Variants in STK3 observed in about 807,000 individuals in gnomAD.
STK3 encodes serine/threonine kinase 3.
STK3 carries 41 observed loss-of-function variants against 58.0 expected under a neutral mutation model. The observed-to-expected ratio is 0.71, with a 90% CI of 0.55 to 0.92. The LOEUF (loss-of-function observed/expected upper bound fraction) is 0.92, where lower values mean the gene tolerates loss of function less well. Ranked by LOEUF, STK3 falls within the 40% of genes least tolerant of loss-of-function variation. The pLI, the probability that STK3 is intolerant of heterozygous loss-of-function variation, is 0.00. For synonymous variants in STK3, 170 were observed against 191.0 expected, an observed-to-expected ratio of 0.89 and a Z score of 0.91; for missense variants, 479 against 602.7, an observed-to-expected ratio of 0.79 and a Z score of 2.15.
At chr8:98,757,972 G>C (rs1171104175) in intron 3 of STK3, among the ~76,000 whole-genome samples, 1 of 152,202 alleles carries the variant, frequency 6.6e-6, no homozygotes, top group African/African-American at 2.4e-5. Flanking sequence ...CAATTATTTA[G>C]ATGTTCTAAC....
At chr8:98,457,798 T>C (rs1251821161) in intron 10 of STK3, among the ~76,000 whole-genome samples, 1 of 152,204 alleles carries the variant, frequency 6.6e-6, no homozygotes, top group Non-Finnish European at 1.5e-5. Context: ...ATTACTTTAA[T>C]TCTGAATTAA....
At chr8:98,543,062 G>C (rs560416783) in intron 9 of STK3, among the ~76,000 whole-genome samples, 5 of 152,318 alleles carry the variant, frequency 3.3e-5, no homozygotes, top group African/African-American at 1.2e-4. Flanking sequence ...GGTGAGATGG[G>C]AGCCTATTAG....
At chr8:98,637,950 C>A (rs1158363223) in intron 6 of STK3, among the ~76,000 whole-genome samples, 1 of 152,066 alleles carries the variant, frequency 6.6e-6, no homozygotes, top group African/African-American at 2.4e-5. Context: ...GGTGTTGGCA[C>A]CCAACATTTT....
At chr8:98,697,151 G>A (rs1285998774) in intron 6 of STK3, among the ~76,000 whole-genome samples, 1 of 152,206 alleles carries the variant, frequency 6.6e-6, no homozygotes, top group Non-Finnish European at 1.5e-5. Context: ...GCATAGAGGT[G>A]TTTGTAGTAT....
rs181129916 is a variant in STK3 at position 98,672,043 on chromosome 8, G to A, written c.684+34424C>T. 3.6e-3 allele frequency among the ~76,000 whole-genome samples: 541 copies of A among 152,282 alleles called. 3 individuals carry two copies. Among genetic ancestry groups the A allele is most frequent in the African/African-American group, 0.012 (514 of 41,554 alleles). On this transcript the variant is annotated intron_variant, in intron 6 of 10. Transcript: ENST00000419617. ...AGTTTCCTCAGGCCTTCTCAGCCATGTGGAACTGTGCATCAATTAAACCTC... is the reference window on the plus strand; with the variant it reads ...AGTTTCCTCAGGCCTTCTCAGCCATATGGAACTGTGCATCAATTAAACCTC...
chr8:98,456,802 T>C (rs1175322670), intron 10 of STK3, among the ~76,000 whole-genome samples: 1 of 152,226 alleles, frequency 6.6e-6, no homozygotes, highest in Non-Finnish European at 1.5e-5. Context: ...CTTTGGTTAT[T>C]TTATGAGTCA....
upstream of STK3, among the ~76,000 whole-genome samples, chr8:98,828,439 A>C (rs1337963926): frequency 1.9e-5 from 1 of 52,862 alleles, no homozygotes; most frequent in Non-Finnish European, 4.5e-5. Context: ...CATCTCTACA[A>C]AAAAAAAAAA....
At chr8:98,401,562 T>A (rs920367080) in intron 3 of STK3, 2 of 152,232 alleles carry the variant, frequency 1.3e-5, no homozygotes, top group Non-Finnish European at 2.9e-5. Context: ...TGTGTTCAGA[T>A]GCTGCCTCTG....
intron 6 of STK3, among the ~76,000 whole-genome samples, chr8:98,628,667 T>C (rs1818924328): frequency 6.6e-6 from 1 of 151,700 alleles, no homozygotes. Flanking sequence ...CCAGTCCTAG[T>C]GGTATGTGCC....
chr8:98,705,723 A>T (rs1005776558), intron 6 of STK3, among the ~76,000 whole-genome samples: 3 of 152,164 alleles, frequency 2.0e-5, no homozygotes, highest in African/African-American at 7.2e-5. Context: ...AGATAACTAC[A>T]GCCACTAGAG....
At chr8:98,739,133 C>T (rs992552826) in intron 4 of STK3, among the ~76,000 whole-genome samples, 6 of 152,278 alleles carry the variant, frequency 3.9e-5, no homozygotes, top group African/African-American at 1.4e-4. Flanking sequence ...GGAGGCCTGC[C>T]TGCCTCTGTA....
intron 10 of STK3, among the ~76,000 whole-genome samples, chr8:98,519,658 C>T (rs1400763093): frequency 5.9e-5 from 9 of 152,050 alleles, no homozygotes; most frequent in East Asian, 1.9e-4. Flanking sequence ...GGTAGGACTG[C>T]GGAAAAACTA....
intron 1 of STK3, among the ~76,000 whole-genome samples, chr8:98,939,524 C>T (rs1290119527): frequency 6.6e-6 from 1 of 152,210 alleles, no homozygotes; most frequent in Non-Finnish European, 1.5e-5. Flanking sequence ...ACGAAATCTG[C>T]AGTGAGAAAT....
chr8:98,416,311 T>C (rs1301869322), intron 3 of STK3, among the ~76,000 whole-genome samples: 2 of 151,250 alleles, frequency 1.3e-5, no homozygotes, highest in African/African-American at 4.8e-5. Context: ...ATTTATACCT[T>C]AAACTTCTGG....
At chr8:98,533,668 T>G (rs2131519679) in intron 9 of STK3, among the ~76,000 whole-genome samples, 1 of 152,268 alleles carries the variant, frequency 6.6e-6, no homozygotes, top group Non-Finnish European at 1.5e-5. Flanking sequence ...TTGTTTACTT[T>G]TTGTAGAGAT....
chr8:98,446,263 G>A lies in STK3; in HGVS notation n.186-9055C>T, dbSNP rs542324673. 3.1e-4 allele frequency among the ~76,000 whole-genome samples: 47 copies of A among 152,258 alleles called. No individual in the cohort carries two copies. The South Asian group carries it at 9.1e-3, about 30-fold the overall frequency. On this transcript the variant is annotated intron_variant and non_coding_transcript_variant, in intron 1 of 3. Coordinates refer to the STK3 transcript ENST00000517832. ...ATCTTTCTTATTGCAATGACCACAC[G>A]TGGGTGTCCATGCCTGTACCAGGCT...
At chr8:98,442,784 T>C (rs996839603) in intron 1 of STK3, among the ~76,000 whole-genome samples, 3 of 152,244 alleles carry the variant, frequency 2.0e-5, no homozygotes, top group African/African-American at 7.2e-5. Flanking sequence ...TTGCATTTAC[T>C]GTGCTGCTTG....
At chr8:98,867,435 AG>A (rs1207573772) in intron 3 of STK3, among the ~76,000 whole-genome samples, 5 of 152,112 alleles carry the variant, frequency 3.3e-5, no homozygotes, top group Non-Finnish European at 7.4e-5. Flanking sequence ...TTTTTTTAAA[AG>A]GGGAAACTGA....
intron 10 of STK3, among the ~76,000 whole-genome samples, chr8:98,485,351 A>G (rs1295521138): frequency 6.6e-6 from 1 of 152,262 alleles, no homozygotes; most frequent in African/African-American, 2.4e-5. Flanking sequence ...TGTTGCCCTG[A>G]AAGCCAGATT....
Sources: allele counts gnomAD v4.1 joint callset (sites outside exome capture counted in the v4.1 genomes callset), GRCh38; gene constraint gnomAD v4.1.1; transcripts MANE v1.5; gene names NCBI Gene and HGNC (gene_info 2026-07-23, HGNC 2026-07-21).